Variants in PRDM15 observed in about 807,000 individuals in gnomAD.
The protein encoded by PRDM15 is PR/SET domain 15.
In PRDM15, 64 loss-of-function variants were observed where a neutral mutation model predicts 128.6. That is an observed-to-expected ratio of 0.50 (90% confidence interval 0.41 to 0.61). The LOEUF is 0.61. PRDM15 is among the 20% of genes least tolerant of loss of function. The pLI, the probability that PRDM15 is intolerant of heterozygous loss-of-function variation, is 0.00. For synonymous variants in PRDM15, 615 were observed against 621.8 expected, an observed-to-expected ratio of 0.99 and a Z score of 0.16; for missense variants, 1,242 against 1,569.1, an observed-to-expected ratio of 0.79 and a Z score of 3.52.
At chr21:41,878,631 C>T in intron 1 of PRDM15, 1 of 1,027,266 alleles carries the variant, frequency 9.7e-7, no homozygotes, top group Admixed American at 2.8e-5. Context: ...CACCTCGCTA[C>T]CTTCTCTCTG....
intron 1 of PRDM15, among the ~76,000 whole-genome samples, chr21:41,876,032 G>A (rs2064402398): frequency 6.6e-6 from 1 of 152,172 alleles, no homozygotes; most frequent in Non-Finnish European, 1.5e-5. Context: ...AATACTGTAG[G>A]TACCTGTAAC....
intron 1 of PRDM15, chr21:41,867,460 TCTCA>T: frequency 9.3e-7 from 1 of 1,072,568 alleles, no homozygotes; most frequent in East Asian, 2.4e-5. Context: ...AGAGACAGAG[TCTCA>T]CTATGTTGCC....
At chr21:41,805,030 A>G (rs577771734) in intron 21 of PRDM15, among the ~76,000 whole-genome samples, 1 of 152,344 alleles carries the variant, frequency 6.6e-6, no homozygotes, top group Admixed American at 6.5e-5. Context: ...TGCCTTACAC[A>G]TCGTACTTTT....
intron 12 of PRDM15, among the ~76,000 whole-genome samples, chr21:41,826,342 G>A (rs916039047): frequency 2.0e-5 from 3 of 152,170 alleles, no homozygotes; most frequent in Non-Finnish European, 4.4e-5. Context: ...TAATGGCATC[G>A]AGTGCTAAAT....
intron 17 of PRDM15, 87 bp from the exon 18 acceptor site, chr21:41,819,788 G>A: frequency 6.7e-7 from 1 of 1,497,648 alleles, no homozygotes; most frequent in Non-Finnish European, 9.0e-7. Flanking sequence ...GAGGGGCCCA[G>A]CCTCCCCAGC....
chr21:41,815,694 C>T lies in PRDM15; in HGVS notation c.2392+11G>A, dbSNP rs746464394. ...GCGCCGTGGCTGGCGCGGCCCGGGC[C>T]TCGGACTCACCCGTGTGCCGCTTGC... On this transcript the variant is annotated intron_variant, in intron 19 of 23. Coordinates refer to ENST00000398548, the MANE Select transcript of PRDM15 (RefSeq NM_001040424.3). 6.5e-5 allele frequency: 105 copies of T among 1,612,346 alleles called. 2 individuals are homozygous for T. In the Admixed American group the frequency reaches 1.6e-3, roughly 24 times the overall value.
In PRDM15 at chr21:41,859,734, A is replaced by C; in HGVS notation, c.38-49T>G. 1 of 1,505,558 alleles carries C rather than the reference A, an allele frequency of 6.6e-7. No individual in the cohort carries two copies. The highest frequency in any genetic ancestry group is 9.2e-7 in the Non-Finnish European group (1 of 1,089,088). The allele number at this position is 1,505,558 out of a possible 1,614,324, so 93.3% of individuals were successfully genotyped here. A position where few individuals can be genotyped will look rare whatever the true frequency, so the allele number is the denominator to read the frequency against. Reference sequence around the variant, plus strand: ...AGAGCACCCAGGGAGGGAGACACCTAAAGAACACAAACCTGGGAAATGGGG... The same window carrying C: ...AGAGCACCCAGGGAGGGAGACACCTCAAGAACACAAACCTGGGAAATGGGG... On this transcript the variant is annotated intron_variant, in intron 2 of 23. Coordinates refer to ENST00000398548, the MANE Select transcript of PRDM15 (RefSeq NM_001040424.3). This position sits in a 1 kb window ranked among gnomAD's most constrained non-coding sequence, Gnocchi z 5.3.
chr21:41,824,230 A>C (rs2062387486), intron 13 of PRDM15, among the ~76,000 whole-genome samples: 1 of 152,228 alleles, frequency 6.6e-6, no homozygotes, highest in South Asian at 2.1e-4. Flanking sequence ...TAGGGAGAGG[A>C]TGCCGGCATC....
intron 5 of PRDM15, among the ~76,000 whole-genome samples, chr21:41,848,902 G>T (rs2063346336): frequency 6.6e-6 from 1 of 152,172 alleles, no homozygotes; most frequent in African/African-American, 2.4e-5. Flanking sequence ...CAGTCAGAAG[G>T]CAATTCTTGA....
At chr21:41,857,394 T>C (rs1162040920) in intron 3 of PRDM15, 65 bp from the exon 4 acceptor site, 1 of 1,571,446 alleles carries the variant, frequency 6.4e-7, no homozygotes, top group Non-Finnish European at 8.7e-7. Context: ...CTCGTTAAGA[T>C]AACCTAAAAG....
At chr21:41,873,772 C>T (rs1052002267) in intron 1 of PRDM15, among the ~76,000 whole-genome samples, 1 of 152,120 alleles carries the variant, frequency 6.6e-6, no homozygotes, top group Non-Finnish European at 1.5e-5. Context: ...CTGCTGGGCA[C>T]GGTGGCTTAT....
intron 1 of PRDM15, among the ~76,000 whole-genome samples, chr21:41,868,798 C>G (rs2064109746): frequency 1.4e-5 from 2 of 146,860 alleles, no homozygotes; most frequent in South Asian, 4.4e-4. Context: ...TCAAGCAATT[C>G]TCCTGCCTCA....
chr21:41,854,541 C>A lies in PRDM15; in HGVS notation c.538+25G>T, dbSNP rs778548183. 2 of 1,610,078 alleles carry A rather than the reference C, an allele frequency of 1.2e-6. No individual in the cohort carries two copies. The highest frequency in any genetic ancestry group is 8.5e-7 in the Non-Finnish European group (1 of 1,179,840). Reference sequence around the variant, plus strand: ...TCGGCGAGGCACAAGGGAAGGTGGGCTCCGGATCGGGGGCCGCCACATACC... The same window carrying A: ...TCGGCGAGGCACAAGGGAAGGTGGGATCCGGATCGGGGGCCGCCACATACC... On this transcript the variant is annotated intron_variant, in intron 5 of 23. Transcript: ENST00000398548. The surrounding 1 kb of genome is among the most constrained non-coding windows in gnomAD (Gnocchi z 4.6).
rs775056040 is a variant in PRDM15 at position 41,802,941 on chromosome 21, A to G, written c.2734-20T>C. ...CTCAGGCTGCAGAAAAATCGGTTTC[A>G]GCCGAGAACCAGGTTAGTCGGTCAC... On this transcript the variant is annotated intron_variant, in intron 22 of 23. Coordinates refer to ENST00000398548, the MANE Select transcript of PRDM15 (RefSeq NM_001040424.3). 7.0e-5 allele frequency: 113 copies of G among 1,609,634 alleles called. No homozygotes were observed. Among genetic ancestry groups the G allele is most frequent in the Non-Finnish European group, 9.3e-5 (109 of 1,176,660 alleles).
intron 5 of PRDM15, among the ~76,000 whole-genome samples, chr21:41,849,675 G>A (rs1452774075): frequency 6.6e-6 from 1 of 152,214 alleles, no homozygotes; most frequent in African/African-American, 2.4e-5. Flanking sequence ...GGTGGCTCAT[G>A]CCTGTAATCC....
At chr21:41,870,581 TCTGA>T (rs1183667593) in intron 1 of PRDM15, 4 of 152,224 alleles carry the variant, frequency 2.6e-5, no homozygotes, top group Non-Finnish European at 5.9e-5. Context: ...GGAGACGGAC[TCTGA>T]CTAAGTCAGT....
Position 41,854,037 on chromosome 21 carries a change from G to A in PRDM15, c.538+529C>T, listed in dbSNP as rs373659795. 3.1e-4 allele frequency among the ~76,000 whole-genome samples: 47 copies of A among 152,330 alleles called. 1 individual carries two copies. The East Asian group carries it at 3.1e-3, about 10-fold the overall frequency. ...CCAGGGCAGAGCTAAGCAGTCATGC[G>A]CCATGTGACAAGGTTTCAGTCAAAG... On this transcript the variant is annotated intron_variant, in intron 5 of 23. Transcript: ENST00000398548. The surrounding 1 kb of genome is among the most constrained non-coding windows in gnomAD (Gnocchi z 4.6).
At position 41,801,360 on chromosome 21, in the gene PRDM15, C is replaced by G. The variant is rs200853879; in HGVS notation, c.3306G>C (p.Thr1102=). Residue 1102 remains threonine (T), a synonymous_variant, in exon 24 of 24, where the codon ACG becomes ACC. Coordinates refer to ENST00000398548, the MANE Select transcript of PRDM15 (RefSeq NM_001040424.3). ...CGTCAGTCTGGGGCACTGCCCGCCACGTGAGCGGGTGCTGGTCACTAAGCT... is the reference window on the plus strand; with the variant it reads ...CGTCAGTCTGGGGCACTGCCCGCCAGGTGAGCGGGTGCTGGTCACTAAGCT... ...GSQLSDQHPL[T]WRAVPQTDVL... The G allele has an allele frequency of 6.2e-7, 1 of 1,607,448 alleles. No homozygotes were observed. Among genetic ancestry groups the G allele is most frequent in the South Asian group, 1.1e-5 (1 of 90,522 alleles).
At position 41,807,251 on chromosome 21, in the gene PRDM15, A is replaced by G. The variant is rs1601755737; in HGVS notation, c.2653-2637T>C. On this transcript the variant is annotated intron_variant, in intron 21 of 23. Transcript: ENST00000398548. ...TTTTAATGTAACATTCATTCAAAGT[A>G]AAGAGAAAAACCATAGCTTGGAGTC... Among the ~76,000 whole-genome samples the G allele has an allele frequency of 2.0e-5, 3 of 152,296 alleles. No homozygotes were observed. The South Asian group carries it at 6.2e-4, about 32-fold the overall frequency.
Sources: gnomAD v4.1 joint callset for allele counts (sites outside exome capture counted in the v4.1 genomes callset) on GRCh38, gnomAD v4.1.1 for gene constraint, Gnocchi (gnomAD v3.1) non-coding constraint, MANE v1.5 for transcripts, NCBI Gene and HGNC (gene_info 2026-07-23, HGNC 2026-07-21) for gene names.